GKAP1: variants seen among roughly 807,000 people sequenced by gnomAD.
The protein encoded by GKAP1 is G kinase-anchoring protein 1.
A neutral mutation model predicts 56.7 loss-of-function variants in GKAP1; 31 were observed. The ratio of observed to expected loss-of-function variants is 0.55; its 90% CI spans 0.41 to 0.74. GKAP1 has a LOEUF of 0.74. Among genes scored for constraint, GKAP1 ranks in the 30% least tolerant of loss-of-function variants. The probability of loss-of-function intolerance (pLI) is 0.00; values close to 1 mark genes in which losing one functional copy is unlikely to be tolerated. For synonymous variants in GKAP1, 151 were observed against 138.6 expected (o/e 1.09, Z -0.63); for missense variants, 364 against 402.3 (o/e 0.90, Z 0.82).
At chr9:83,814,105 GA>G (rs1274269772) in intron 2 of GKAP1, among the ~76,000 whole-genome samples, 4 of 145,504 alleles carry the variant, frequency 2.7e-5, no homozygotes, top group Admixed American at 2.7e-4. Flanking sequence ...TGTCAAAGAA[GA>G]AAAAGAAAAA....
At chr9:83,788,284 A>T (rs1564205948) in intron 5 of GKAP1, among the ~76,000 whole-genome samples, 1 of 152,130 alleles carries the variant, frequency 6.6e-6, no homozygotes, top group East Asian at 1.9e-4. Flanking sequence ...TCCCAAGAAA[A>T]AATAATAATA....
At chr9:83,752,807 A>G (rs1943413406) in intron 9 of GKAP1, among the ~76,000 whole-genome samples, 1 of 152,174 alleles carries the variant, frequency 6.6e-6, no homozygotes, top group Non-Finnish European at 1.5e-5. Flanking sequence ...ACGGTGGCTC[A>G]TGCCTGTAAT....
At chr9:83,757,767 G>A (rs1052643243) in intron 8 of GKAP1, among the ~76,000 whole-genome samples, 1 of 151,760 alleles carries the variant, frequency 6.6e-6, no homozygotes, top group Non-Finnish European at 1.5e-5. Context: ...AGAAATGTTG[G>A]TAAGAATGGA....
chr9:83,807,594 A>G (rs1319374614), intron 2 of GKAP1, among the ~76,000 whole-genome samples: 2 of 152,188 alleles, frequency 1.3e-5, no homozygotes, highest in Non-Finnish European at 2.9e-5. Context: ...CTTCTCTCCA[A>G]TTGCATTCCC....
At chr9:83,746,582 A>T (rs1943298801) in intron 10 of GKAP1, among the ~76,000 whole-genome samples, 1 of 152,170 alleles carries the variant, frequency 6.6e-6, no homozygotes, top group Non-Finnish European at 1.5e-5. Context: ...AGGCGCCTGT[A>T]GTCCCAGCTA....
At chr9:83,787,934 A>G (rs1213710373) in intron 5 of GKAP1, among the ~76,000 whole-genome samples, 1 of 152,190 alleles carries the variant, frequency 6.6e-6, no homozygotes, top group Non-Finnish European at 1.5e-5. Context: ...CTGTACTGTA[A>G]TAGCCCATAT....
chr9:83,745,541 T>C (rs1943279071), intron 10 of GKAP1, among the ~76,000 whole-genome samples: 1 of 152,226 alleles, frequency 6.6e-6, no homozygotes, highest in Non-Finnish European at 1.5e-5. Context: ...CTTTTATCAG[T>C]TAACTTTCTC....
chr9:83,753,459 T>A, intron 8 of GKAP1, 100 bp from the exon 9 acceptor site: 1 of 772,440 alleles, frequency 1.3e-6, no homozygotes, highest in Non-Finnish European at 2.2e-6. Flanking sequence ...ATTCTGACCT[T>A]AATTTTCTGA....
At chr9:83,779,653 A>G (rs2131285882) in intron 7 of GKAP1, among the ~76,000 whole-genome samples, 1 of 150,164 alleles carries the variant, frequency 6.7e-6, no homozygotes, top group Middle Eastern at 3.4e-3. Context: ...TCTAAAGTGA[A>G]ATCGAGGACC....
chr9:83,776,033 C>A (rs1427162293), intron 7 of GKAP1, among the ~76,000 whole-genome samples: 2 of 151,922 alleles, frequency 1.3e-5, no homozygotes, highest in Non-Finnish European at 2.9e-5. Context: ...AGTGAAGGAA[C>A]AGATAGCAGC....
intron 3 of GKAP1, among the ~76,000 whole-genome samples, chr9:83,803,705 T>G (rs867583874): frequency 8.4e-6 from 1 of 118,522 alleles, no homozygotes; most frequent in South Asian, 3.0e-4. Flanking sequence ...CGTCTCTGCC[T>G]GGCAGCCCAT....
chr9:83,807,578 C>T (rs562959043), intron 2 of GKAP1, among the ~76,000 whole-genome samples: 24 of 152,182 alleles, frequency 1.6e-4, no homozygotes, highest in Non-Finnish European at 3.4e-4. Context: ...TTAACTGACT[C>T]CTATGCTTCT....
At chr9:83,761,434 C>T (rs1322980894) in intron 8 of GKAP1, among the ~76,000 whole-genome samples, 1 of 151,872 alleles carries the variant, frequency 6.6e-6, no homozygotes, top group East Asian at 1.9e-4. Flanking sequence ...AAAAGTCTTC[C>T]AGTAAAGAAA....
intron 7 of GKAP1, among the ~76,000 whole-genome samples, chr9:83,772,597 A>G (rs997069628): frequency 3.3e-5 from 5 of 152,200 alleles, no homozygotes; most frequent in African/African-American, 1.2e-4. Flanking sequence ...TAAAAAACCA[A>G]AAAGACATCC....
intron 6 of GKAP1, among the ~76,000 whole-genome samples, chr9:83,782,078 G>A (rs1943982986): frequency 1.3e-5 from 2 of 151,836 alleles, no homozygotes; most frequent in African/African-American, 2.4e-5. Flanking sequence ...TCCTAACCTC[G>A]TGATCCGCCC....
intron 3 of GKAP1, among the ~76,000 whole-genome samples, chr9:83,803,241 CTCTCCCCTCTCCCT>C (rs1169088976): frequency 6.6e-6 from 1 of 151,408 alleles, no homozygotes; most frequent in Non-Finnish European, 1.5e-5. Context: ...CCCCTCTCCC[CTCTCCCCTCTCCCT>C]CTCGGTCTCC....
At chr9:83,767,696 A>G (rs1372460070) in intron 8 of GKAP1, among the ~76,000 whole-genome samples, 2 of 151,440 alleles carry the variant, frequency 1.3e-5, no homozygotes, top group African/African-American at 4.9e-5. Context: ...AAAATTATTT[A>G]TTTAATTTTG....
At chr9:83,757,002 G>C (rs1393571394) in intron 8 of GKAP1, among the ~76,000 whole-genome samples, 1 of 152,126 alleles carries the variant, frequency 6.6e-6, no homozygotes, top group Non-Finnish European at 1.5e-5. Context: ...AGGATGAAAA[G>C]ATGTACAAGA....
intron 5 of GKAP1, among the ~76,000 whole-genome samples, chr9:83,788,267 G>C (rs1263421711): frequency 6.6e-6 from 1 of 152,142 alleles, no homozygotes; most frequent in East Asian, 1.9e-4. Context: ...AAGAGAGTGA[G>C]ACTCGGTCCC....
Sources: allele counts gnomAD v4.1 joint callset (sites outside exome capture counted in the v4.1 genomes callset), GRCh38; gene constraint gnomAD v4.1.1; transcripts MANE v1.5; gene names NCBI Gene and HGNC (gene_info 2026-07-23, HGNC 2026-07-21).